Variants in PRSS57 observed in about 807,000 individuals in gnomAD.
PRSS57 encodes the protein serine protease 57.
PRSS57 carries 19 observed loss-of-function variants against 20.6 expected under a neutral mutation model. That is an observed-to-expected ratio of 0.92 (90% CI 0.64 to 1.35). The LOEUF (loss-of-function observed/expected upper bound fraction) is 1.35, where lower values mean the gene tolerates loss of function less well. PRSS57 is among the 40% of genes most tolerant of loss of function. PRSS57 has a pLI of 0.00. For synonymous variants in PRSS57, 203 were observed against 176.6 expected (o/e 1.15, Z -1.19); for missense variants, 440 against 403.7 (o/e 1.09, Z -0.77).
intron 3 of PRSS57, chr19:690,993 C>A: frequency 4.9e-6 from 2 of 410,418 alleles, no homozygotes; most frequent in South Asian, 2.3e-5. Context: ...CCAGGGGCTG[C>A]ACTGCCACCC....
At chr19:693,297 A>T (rs1243001175) in intron 2 of PRSS57, among the ~76,000 whole-genome samples, 1 of 140,434 alleles carries the variant, frequency 7.1e-6, no homozygotes, top group African/African-American at 2.7e-5. Flanking sequence ...GTGTGATCAC[A>T]GCTCACTGCA....
At chr19:690,360 CG>C (rs1459469900) in intron 3 of PRSS57, 1 of 154,314 alleles carries the variant, frequency 6.5e-6, no homozygotes, top group Non-Finnish European at 1.4e-5. Context: ...CACTAAACGG[CG>C]GATGACGTCG....
Position 695,402 on chromosome 19 carries a change from C to G in PRSS57, c.29G>C (p.Arg10Pro). MGLGLRGWGRPLLTVATALM... is the reference protein window; with the variant it reads MGLGLRGWGPPLLTVATALM... Reference sequence around the variant, plus strand: ...GGCGGTGGCCACAGTCAGCAGAGGACGTCCCCAGCCCCTCAACCCGAGCCC... The same window carrying G: ...GGCGGTGGCCACAGTCAGCAGAGGAGGTCCCCAGCCCCTCAACCCGAGCCC... The change falls in exon 1 of 5, where the codon CGT becomes CCT. Residue 10 changes from arginine (R) to proline (P), a missense_variant. Physicochemically the swap from Arg to Pro is moderately radical, Grantham distance 103. Coordinates refer to ENST00000329267, the MANE Select transcript of PRSS57 (RefSeq NM_001308209.2). The G allele has an allele frequency of 7.8e-7, 1 of 1,277,368 alleles. No homozygotes were observed. Among genetic ancestry groups the G allele is most frequent in the Non-Finnish European group, 9.9e-7 (1 of 1,006,118 alleles). The allele number at this position is 1,277,368 out of a possible 1,614,324, so 79.1% of individuals were successfully genotyped here.
At chr19:693,865 G>A (rs1011480367) in intron 2 of PRSS57, among the ~76,000 whole-genome samples, 1 of 152,040 alleles carries the variant, frequency 6.6e-6, no homozygotes, top group African/African-American at 2.4e-5. Context: ...TCAGCCTCCT[G>A]GGTAGCTGGG....
At chr19:693,230 CTT>C (rs71174316) in intron 2 of PRSS57, among the ~76,000 whole-genome samples, 4 of 131,690 alleles carry the variant, frequency 3.0e-5, no homozygotes, top group Admixed American at 8.2e-5. Context: ...CGCACCCGGC[CTT>C]TTTTTTTTTT....
chr19:690,502 G>C (rs765479085), intron 3 of PRSS57: 5 of 225,458 alleles, frequency 2.2e-5, no homozygotes, highest in Non-Finnish European at 3.7e-5. Context: ...CTGTCACCAA[G>C]CTGGGCCGCC....
intron 2 of PRSS57, among the ~76,000 whole-genome samples, chr19:694,285 A>G (rs537129661): frequency 6.6e-6 from 1 of 151,690 alleles, no homozygotes; most frequent in South Asian, 2.1e-4. Flanking sequence ...GTTTAAAACG[A>G]GGCAGGGCAT....
chr19:687,488 C>T (rs1050811693), intron 3 of PRSS57, among the ~76,000 whole-genome samples: 2 of 152,170 alleles, frequency 1.3e-5, no homozygotes, highest in Admixed American at 1.3e-4. Context: ...TCACTGCAAC[C>T]TCCACCTGCC....
intron 4 of PRSS57, among the ~76,000 whole-genome samples, chr19:686,704 T>C (rs1435084434): frequency 1.3e-5 from 2 of 152,090 alleles, no homozygotes; most frequent in Non-Finnish European, 2.9e-5. Context: ...CTTGTATAAA[T>C]ACACAAGTGC....
Position 686,960 on chromosome 19 carries a change from G to A in PRSS57, c.607C>T (p.Arg203Cys), listed in dbSNP as rs748331794. The A allele has an allele frequency of 1.7e-5, 28 of 1,613,960 alleles. No individual in the cohort carries two copies. The highest frequency in any genetic ancestry group is 8.9e-5 in the East Asian group (4 of 44,900). The change falls in exon 4 of 5, where the codon CGC (arginine) becomes TGC (cysteine). Residue 203 changes from arginine (R) to cysteine (C), a missense_variant. Physicochemically the swap from Arg to Cys is radical, Grantham distance 180 (BLOSUM62 -3). Coordinates refer to ENST00000329267, the MANE Select transcript of PRSS57 (RefSeq NM_001308209.2). ...GHLTLTMLCTRSGDSHRRGFC... is the reference protein window; with the variant it reads ...GHLTLTMLCTCSGDSHRRGFC... The stretch of plus-strand genomic sequence containing the variant: ...CCCCGTCTGTGGCTGTCCCCACTGC[G>A]GGTGCAGAGCATGGTAAGTGTCAGG...
rs748818084 is a variant in PRSS57, at chr19:685,798, C to T, written c.767G>A (p.Trp256Ter). Residue 256 changes from tryptophan to a stop codon, truncating the protein, a stop_gained, in exon 5 of 5, where the codon TGG becomes TAG. Coordinates refer to ENST00000329267, the MANE Select transcript of PRSS57 (RefSeq NM_001308209.2). LOFTEE classifies it low-confidence loss of function (END_TRUNC). ...GCTCCGCCGAACCACGTCCCAGATC[C>T]AGGCCACAAAGGCGGACACCTGCGT... ...VYTQVSAFVA[W>*]IWDVVRRSSP... 1.5e-5 allele frequency: 23 copies of T among 1,566,920 alleles called. No individual in the cohort carries two copies. In the East Asian group the frequency reaches 5.2e-4, roughly 36 times the overall value.
intron 2 of PRSS57, among the ~76,000 whole-genome samples, chr19:693,214 A>C: frequency 7.4e-6 from 1 of 135,416 alleles, no homozygotes; most frequent in Non-Finnish European, 1.5e-5. Context: ...TACAGGCGTG[A>C]GCCACCGCAC....
chr19:691,870 G>T lies in PRSS57; in HGVS notation c.366C>A (p.Ile122=), dbSNP rs766750006. The T allele has an allele frequency of 1.5e-6, 2 of 1,334,786 alleles. No homozygotes were observed. Among genetic ancestry groups the T allele is most frequent in the Admixed American group, 6.0e-5 (2 of 33,068 alleles). The allele number at this position is 1,334,786 out of a possible 1,614,324, so 82.7% of individuals were successfully genotyped here. The change falls in exon 3 of 5, where the codon ATC becomes ATA. Residue 122 remains isoleucine, a synonymous_variant. Transcript: ENST00000329267. The part of the protein sequence containing the change: ...DYHPMTHAND[I]CLLRLNGSAV... ...CCCCGGGGCTCACCCGCAGCAGGCAGATGTCGTTGGCGTGGGTCATGGGGT... is the reference window on the plus strand; with the variant it reads ...CCCCGGGGCTCACCCGCAGCAGGCATATGTCGTTGGCGTGGGTCATGGGGT...
At chr19:695,201 A>G (rs979145961) in intron 1 of PRSS57, 151 bp downstream of exon 1, 1 of 485,374 alleles carries the variant, frequency 2.1e-6, no homozygotes, top group South Asian at 7.7e-5. Flanking sequence ...CCGGATTTCC[A>G]TCCATTTCCA....
In PRSS57 at chr19:685,609, C is replaced by T; in HGVS notation, c.*107G>A. ...CATGTGGAATGGGTGTGCCCCACCG[C>T]TGCCCGTCCCACCCCAACCCTGAAC... On this transcript the variant is annotated 3_prime_UTR_variant, in exon 5 of 5. Coordinates refer to ENST00000329267, the MANE Select transcript of PRSS57 (RefSeq NM_001308209.2). The T allele has an allele frequency of 8.9e-7, 1 of 1,122,616 alleles. No homozygotes were observed. 69.5% of individuals were successfully genotyped at this position (1,122,616 alleles called of 1,614,324 possible).
chr19:692,389 A>G (rs1599118722), intron 2 of PRSS57, among the ~76,000 whole-genome samples: 1 of 150,392 alleles, frequency 6.6e-6, no homozygotes, highest in African/African-American at 2.4e-5. Flanking sequence ...AAAAAAAACA[A>G]TTACTTTTGC....
At chr19:687,326 C>T in intron 3 of PRSS57, 138 bp from the exon 4 acceptor site, 2 of 1,016,974 alleles carry the variant, frequency 2.0e-6, no homozygotes, top group East Asian at 2.8e-5. Flanking sequence ...GTCAGGAGGC[C>T]CCGTTCCTTC....
At chr19:693,166 C>T (rs9807836) in intron 2 of PRSS57, among the ~76,000 whole-genome samples, 31,869 of 148,822 alleles carry the variant, frequency 0.21, 3,657 homozygotes, top group African/African-American at 0.29. Context: ...CTCCTGACCT[C>T]GTGATCCGCC....
intron 3 of PRSS57, chr19:690,607 C>A: frequency 4.0e-6 from 1 of 250,716 alleles, no homozygotes; most frequent in South Asian, 4.4e-5. Context: ...TCCTGAGGGC[C>A]TCTCTCCAGG....
Sources: gnomAD v4.1 joint callset for allele counts (sites outside exome capture counted in the v4.1 genomes callset) on GRCh38, gnomAD v4.1.1 for gene constraint, MANE v1.5 for transcripts, NCBI Gene and HGNC (gene_info 2026-07-23, HGNC 2026-07-21) for gene names.